The following GON4L variants were observed in gnomAD, a reference collection of about 807,000 sequenced individuals.
GON4L encodes gon-4 like, also known as GON-4-like protein.
GON4L carries 87 observed loss-of-function variants against 211.8 expected under a neutral mutation model. The ratio of observed to expected loss-of-function variants is 0.41; its 90% CI spans 0.35 to 0.49. The LOEUF (loss-of-function observed/expected upper bound fraction) is 0.49. Among genes scored for constraint, GON4L ranks in the 20% least tolerant of loss-of-function variants. The probability of loss-of-function intolerance (pLI) is 0.15; values close to 1 mark genes in which losing one functional copy is unlikely to be tolerated. For synonymous variants in GON4L, 875 were observed against 962.6 expected, an observed-to-expected ratio of 0.91 and a Z score of 1.68; for missense variants, 2,155 against 2,659.5, an observed-to-expected ratio of 0.81 and a Z score of 4.17.
downstream of GON4L, chr1:155,747,943 T>A: frequency 6.4e-7 from 1 of 1,559,590 alleles, no homozygotes. Flanking sequence ...ATTGGGAGAG[T>A]GGCTTAATGC....
At chr1:155,803,827 G>A (rs1666905073) in intron 11 of GON4L, among the ~76,000 whole-genome samples, 2 of 152,120 alleles carry the variant, frequency 1.3e-5, no homozygotes, top group South Asian at 2.1e-4. Context: ...AAGTAATCAC[G>A]GAGTGTTTAT....
intron 3 of GON4L, among the ~76,000 whole-genome samples, chr1:155,826,136 A>G (rs1669189649): frequency 6.6e-6 from 1 of 152,078 alleles, no homozygotes; most frequent in African/African-American, 2.4e-5. Flanking sequence ...ACTTTAACCC[A>G]GGAGGTCAAG....
At chr1:155,820,382 TTATC>T (rs1315449171) in intron 6 of GON4L, among the ~76,000 whole-genome samples, 3 of 152,238 alleles carry the variant, frequency 2.0e-5, no homozygotes, top group South Asian at 2.1e-4. Flanking sequence ...TTCCAAATGG[TTATC>T]TATCTAGCAA....
chr1:155,767,917 AC>A (rs1449281443), intron 19 of GON4L, among the ~76,000 whole-genome samples: 1 of 152,128 alleles, frequency 6.6e-6, no homozygotes, highest in Non-Finnish European at 1.5e-5. Context: ...CGTAATCTAT[AC>A]CTTGGACACA....
chr1:155,768,711 C>T (rs1240074640), intron 19 of GON4L, among the ~76,000 whole-genome samples: 1 of 151,894 alleles, frequency 6.6e-6, no homozygotes, highest in Non-Finnish European at 1.5e-5. Flanking sequence ...TCCCAAAGTG[C>T]TGGGATTATA....
chr1:155,755,787 A>G (rs932143224), intron 27 of GON4L, among the ~76,000 whole-genome samples: 6 of 152,104 alleles, frequency 3.9e-5, no homozygotes, highest in African/African-American at 9.7e-5. Flanking sequence ...AGAACTTTGT[A>G]CCCATGGAAA....
chr1:155,797,524 T>C (rs1009888963), intron 11 of GON4L, among the ~76,000 whole-genome samples: 5 of 151,048 alleles, frequency 3.3e-5, no homozygotes, highest in Admixed American at 6.6e-5. Context: ...TGGCCATAAA[T>C]AAACATCTTT....
chr1:155,853,927 T>C (rs1672037060), intron 1 of GON4L, 121 bp from the exon 2 acceptor site: 2 of 698,152 alleles, frequency 2.9e-6, no homozygotes, highest in South Asian at 3.7e-5. Flanking sequence ...AAATGCACAA[T>C]TTCCCTTTAG....
chr1:155,798,237 T>A (rs1350130033), intron 11 of GON4L, among the ~76,000 whole-genome samples: 2 of 141,802 alleles, frequency 1.4e-5, no homozygotes, highest in African/African-American at 5.1e-5. Context: ...ATACTCAGCT[T>A]ATAATATATT....
At chr1:155,762,090 G>C in intron 23 of GON4L, 100 bp downstream of exon 23, 1 of 904,748 alleles carries the variant, frequency 1.1e-6, no homozygotes, top group South Asian at 1.5e-5. Context: ...GAAGCCTGTT[G>C]CATAGCCTGA....
chr1:155,785,517 C>T, intron 12 of GON4L, 143 bp from the exon 13 acceptor site: 1 of 713,162 alleles, frequency 1.4e-6, no homozygotes, highest in Non-Finnish European at 2.6e-6. Flanking sequence ...ATGGGTCTCA[C>T]TATGTCACTC....
In GON4L at chr1:155,765,054, T is replaced by A. The variant is rs745629697; in HGVS notation, c.4419A>T (p.Glu1473Asp). 1.4e-5 allele frequency: 23 copies of A among 1,614,028 alleles called. No individual in the cohort carries two copies. Among genetic ancestry groups the A allele is most frequent in the Middle Eastern group, 1.6e-4 (1 of 6,084 alleles). ...CCTCAGAAGCTGATGACATTTCATC[T>A]TCCTCATCTTGGGTGAGGTCATCAA... ...EDFDDLTQDEEDEMSSASEES... is the reference protein window; with the variant it reads ...EDFDDLTQDEDDEMSSASEES... The change falls in exon 21 of 32, where the codon GAA becomes GAT. Residue 1473 changes from glutamate (E) to aspartate (D), a missense_variant. Coordinates refer to ENST00000368331, the MANE Select transcript of GON4L (RefSeq NM_001282860.2).
At chr1:155,843,941 A>G (rs1237224561) in intron 2 of GON4L, among the ~76,000 whole-genome samples, 1 of 152,212 alleles carries the variant, frequency 6.6e-6, no homozygotes, top group Non-Finnish European at 1.5e-5. Context: ...CCTGTAGGGA[A>G]CCATTTATTC....
intron 29 of GON4L, 80 bp downstream of exon 29, chr1:155,753,124 C>G: frequency 1.9e-6 from 2 of 1,081,054 alleles, no homozygotes; most frequent in Non-Finnish European, 2.8e-6. Flanking sequence ...GGCTATTTAT[C>G]CAGGCTCATG....
At chr1:155,776,594 A>T in intron 15 of GON4L, 113 bp from the exon 16 acceptor site, 2 of 863,476 alleles carry the variant, frequency 2.3e-6, no homozygotes, top group Non-Finnish European at 3.9e-6. Context: ...TCTGTCACTC[A>T]GGCTGATGTG....
intron 2 of GON4L, among the ~76,000 whole-genome samples, chr1:155,850,822 C>T (rs1461642730): frequency 2.2e-5 from 3 of 139,012 alleles, no homozygotes; most frequent in Non-Finnish European, 3.1e-5. Flanking sequence ...AGGCCGAGGT[C>T]GGTGGATCAC....
chr1:155,749,625 G>C, downstream of GON4L: 1 of 1,415,030 alleles, frequency 7.1e-7, no homozygotes, highest in Non-Finnish European at 9.4e-7. Flanking sequence ...TTCCCCCAAG[G>C]GAGCAGGTAT....
chr1:155,796,236 G>A (rs979456515), intron 11 of GON4L, among the ~76,000 whole-genome samples: 1 of 150,458 alleles, frequency 6.6e-6, no homozygotes, highest in Non-Finnish European at 1.5e-5. Flanking sequence ...TGTTAGGTTA[G>A]AATAATAGAA....
chr1:155,855,807 G>A (rs185931746), intron 1 of GON4L, among the ~76,000 whole-genome samples: 1 of 151,784 alleles, frequency 6.6e-6, no homozygotes, highest in East Asian at 1.9e-4. Context: ...ATGGTGAAAC[G>A]CTGTCTCTAC....
Sources: allele counts gnomAD v4.1 joint callset (sites outside exome capture counted in the v4.1 genomes callset), GRCh38; gene constraint gnomAD v4.1.1; transcripts MANE v1.5; gene names NCBI Gene and HGNC (gene_info 2026-07-23, HGNC 2026-07-21).